The following RASA3 variants were observed in gnomAD, a reference collection of about 807,000 sequenced individuals.
RASA3 encodes RAS p21 protein activator 3.
In RASA3, 73 loss-of-function variants were observed where a neutral mutation model predicts 110.0. The observed-to-expected ratio is 0.66, with a 90% confidence interval of 0.55 to 0.81. RASA3 has a LOEUF of 0.81. RASA3 is among the 30% of genes least tolerant of loss of function. RASA3 has a pLI of 0.00. For missense variants in RASA3, 976 were observed against 1,113.2 expected (o/e 0.88, Z 1.75); for synonymous variants, 500 against 451.4 (o/e 1.11, Z -1.37).
intron 1 of RASA3, among the ~76,000 whole-genome samples, chr13:114,089,008 C>A (rs1304571099): frequency 6.6e-6 from 1 of 152,100 alleles, no homozygotes; most frequent in East Asian, 1.9e-4. Flanking sequence ...CACAGCGGTG[C>A]AGGGACAGCC....
Position 114,041,050 on chromosome 13 carries a change from T to A in RASA3, c.322A>T (p.Arg108Trp), listed in dbSNP as rs775557003. ...QKEDLQKYHNRDTWFQLQHVD... is the reference protein window; with the variant it reads ...QKEDLQKYHNWDTWFQLQHVD... ...TGCTGCAGCTGGAACCAGGTGTCCC[T>A]GTTGTGGTACTTCTGCAAGTCCTCC... Residue 108 changes from arginine (R) to tryptophan (W), a missense_variant, in exon 4 of 24, where the codon AGG becomes TGG. By Grantham distance (101) the Arg-to-Trp change is moderately radical. This residue lies in a region of RASA3 where 732 missense variants were observed against 779.7 expected (regional missense o/e 0.94). Coordinates refer to ENST00000334062, the MANE Select transcript of RASA3 (RefSeq NM_007368.4). 6.2e-7 allele frequency: 1 copy of A among 1,613,852 alleles called. No homozygotes were observed. Among genetic ancestry groups the A allele is most frequent in the Admixed American group, 1.7e-5 (1 of 60,034 alleles).
rs1308198973 is a variant in RASA3, at chr13:114,016,281, G to A, written c.1207-10C>T. ...TGTGGCTCTGGCATATCTGGGGAGAGGTTTAAGACAGGGCTCTGTGAGTGG... is the reference window on the plus strand; with the variant it reads ...TGTGGCTCTGGCATATCTGGGGAGAAGTTTAAGACAGGGCTCTGTGAGTGG... On this transcript the variant is annotated splice_polypyrimidine_tract_variant and intron_variant, in intron 12 of 23. Transcript: ENST00000334062. 3.2e-6 allele frequency: 5 copies of A among 1,570,334 alleles called. No individual in the cohort carries two copies. Among genetic ancestry groups the A allele is most frequent in the Non-Finnish European group, 4.4e-6 (5 of 1,140,514 alleles).
intron 2 of RASA3, among the ~76,000 whole-genome samples, chr13:114,052,809 C>T (rs796512728): frequency 4.2e-5 from 5 of 119,156 alleles, no homozygotes; most frequent in South Asian, 2.6e-4. Context: ...TTAGAGTCCT[C>T]GCTCCTGGGG....
rs2080255481 is a variant in RASA3 at position 114,114,610 on chromosome 13, C to T, written c.55+17825G>A. Among the ~76,000 whole-genome samples the T allele has an allele frequency of 6.6e-6, 1 of 152,180 alleles. No individual in the cohort carries two copies. The highest frequency in any genetic ancestry group is 6.5e-5 in the Admixed American group (1 of 15,274). On this transcript the variant is annotated intron_variant, in intron 1 of 23. Transcript: ENST00000334062. The surrounding 1 kb of genome is among the most constrained non-coding windows in gnomAD (Gnocchi z 4.8). ...TCGTCTGGTCTTTAAACCACACAGG[C>T]CAAAATGAGTTGAGCACTATCACAT...
intron 20 of RASA3, among the ~76,000 whole-genome samples, chr13:113,998,014 C>T (rs1238340841): frequency 3.9e-5 from 6 of 152,220 alleles, no homozygotes; most frequent in Non-Finnish European, 7.3e-5. Context: ...AGAAAGGTCT[C>T]CCCAGCTGGT....
At chr13:114,013,887 TCTCTC>T (rs2053718010) in intron 14 of RASA3, among the ~76,000 whole-genome samples, 1 of 28,638 alleles carries the variant, frequency 3.5e-5, no homozygotes, top group Non-Finnish European at 5.4e-5. Context: ...TATCTCTGTC[TCTCTC>T]TTTTTCTCTC....
chr13:114,109,740 G>A (rs886084723), intron 1 of RASA3, among the ~76,000 whole-genome samples: 12 of 151,804 alleles, frequency 7.9e-5, no homozygotes, highest in East Asian at 7.8e-4. Flanking sequence ...TCCAAACGCC[G>A]TGAGCAGCCT....
intron 1 of RASA3, among the ~76,000 whole-genome samples, chr13:114,097,169 G>A (rs1420764673): frequency 1.3e-5 from 2 of 152,250 alleles, no homozygotes; most frequent in Admixed American, 6.5e-5. Context: ...CTGACCAAAT[G>A]AGCATCTTTA....
rs532870204 is a variant in RASA3, at chr13:114,017,228, C to G, written c.1206+9G>C. ...TCGTGAGGCTGAGGACTCTCGGCCC[C>G]GTGCTCACCTCCTCGATGGCGGGCT... On this transcript the variant is annotated intron_variant, in intron 12 of 23. Coordinates refer to ENST00000334062, the MANE Select transcript of RASA3 (RefSeq NM_007368.4). The G allele has an allele frequency of 3.1e-6, 5 of 1,610,094 alleles. No individual in the cohort carries two copies. In the South Asian group the frequency reaches 5.5e-5, roughly 18 times the overall value.
intron 1 of RASA3, among the ~76,000 whole-genome samples, chr13:114,094,192 T>C: frequency 6.6e-6 from 1 of 152,196 alleles, no homozygotes; most frequent in Middle Eastern, 3.2e-3. Flanking sequence ...TTCTTGTTGT[T>C]GTGGGAAATA....
chr13:114,055,415 G>A (rs1317729010), intron 2 of RASA3, among the ~76,000 whole-genome samples: 10 of 152,202 alleles, frequency 6.6e-5, no homozygotes, highest in Non-Finnish European at 1.2e-4. Flanking sequence ...CCCAGGCAGC[G>A]CCCTGTGGCC....
chr13:114,083,326 G>A (rs537275498), intron 1 of RASA3, among the ~76,000 whole-genome samples: 34 of 152,364 alleles, frequency 2.2e-4, no homozygotes, highest in South Asian at 1.4e-3. Context: ...AATTTCCTCC[G>A]ATGTGTGGCC....
At chr13:114,003,511 T>C (rs1445946695) in intron 18 of RASA3, among the ~76,000 whole-genome samples, 1 of 152,262 alleles carries the variant, frequency 6.6e-6, no homozygotes, top group Admixed American at 6.5e-5. Context: ...TTTCCCTTCT[T>C]GTTAAAGAAT....
chr13:114,003,093 C>T (rs2053440366), intron 18 of RASA3, among the ~76,000 whole-genome samples: 1 of 152,226 alleles, frequency 6.6e-6, no homozygotes, highest in African/African-American at 2.4e-5. Flanking sequence ...GCTGAGATGG[C>T]AGAACCGAGG....
chr13:114,077,810 T>C, intron 1 of RASA3: 3 of 983,214 alleles, frequency 3.1e-6, no homozygotes, highest in Non-Finnish European at 3.6e-6. Flanking sequence ...TACCTCCTTC[T>C]CCTTGCTCAC....
chr13:114,010,204 C>T (rs576319637), intron 16 of RASA3, among the ~76,000 whole-genome samples: 11 of 152,282 alleles, frequency 7.2e-5, no homozygotes, highest in East Asian at 3.9e-4. Context: ...TTGCCCCAAG[C>T]GGGCTGCTCC....
chr13:114,003,837 T>C (rs781656230), intron 18 of RASA3, among the ~76,000 whole-genome samples: 1 of 152,198 alleles, frequency 6.6e-6, no homozygotes, highest in Non-Finnish European at 1.5e-5. Context: ...CTCCAGGCAA[T>C]GGGGACAGGA....
chr13:114,043,090 G>A (rs1172484185), intron 3 of RASA3, among the ~76,000 whole-genome samples: 1 of 152,132 alleles, frequency 6.6e-6, no homozygotes, highest in African/African-American at 2.4e-5. Flanking sequence ...ACTAATCTCA[G>A]AGCCCGTGGG....
At position 114,115,100 on chromosome 13, in the gene RASA3, G is replaced by A. The variant is rs1566583743; in HGVS notation, c.55+17335C>T. 6.6e-6 allele frequency among the ~76,000 whole-genome samples: 1 copy of A among 152,136 alleles called. No individual in the cohort carries two copies. The highest frequency in any genetic ancestry group is 1.5e-5 in the Non-Finnish European group (1 of 68,024). ...ATGCTGCAGGTCCCGGCAGGAGAAG[G>A]CTTCTCCACAGAGAGGCCGCTGAAC... On this transcript the variant is annotated intron_variant, in intron 1 of 23. Coordinates refer to ENST00000334062, the MANE Select transcript of RASA3 (RefSeq NM_007368.4). This position sits in a 1 kb window ranked among gnomAD's most constrained non-coding sequence, Gnocchi z 5.0.
Sources: allele counts gnomAD v4.1 joint callset (sites outside exome capture counted in the v4.1 genomes callset), GRCh38; gene constraint gnomAD v4.1.1; regional missense constraint gnomAD v4.1.1; non-coding constraint Gnocchi (gnomAD v3.1); transcripts MANE v1.5; gene names NCBI Gene and HGNC (gene_info 2026-07-23, HGNC 2026-07-21).